NDST3: variants seen among roughly 807,000 people sequenced by gnomAD.
NDST3 encodes the protein bifunctional heparan sulfate N-deacetylase/N-sulfotransferase 3.
In NDST3, 58 loss-of-function variants were observed where a neutral mutation model predicts 96.1. That is an observed-to-expected ratio of 0.60 (90% CI 0.49 to 0.75). The LOEUF is 0.75. Among genes scored for constraint, NDST3 ranks in the 30% least tolerant of loss-of-function variants. NDST3 has a pLI of 0.00. For synonymous variants in NDST3, 333 were observed against 359.7 expected, an observed-to-expected ratio of 0.93 and a Z score of 0.84; for missense variants, 788 against 1,034.2, an observed-to-expected ratio of 0.76 and a Z score of 3.27.
intron 2 of NDST3, among the ~76,000 whole-genome samples, chr4:118,070,378 T>A (rs1726956949): frequency 6.6e-6 from 1 of 152,052 alleles, no homozygotes; most frequent in South Asian, 2.1e-4. Flanking sequence ...CCCCAGTGAA[T>A]GCATGTGTGA....
chr4:118,078,473 C>T (rs1333375388), intron 2 of NDST3, among the ~76,000 whole-genome samples: 3 of 152,202 alleles, frequency 2.0e-5, no homozygotes, highest in East Asian at 3.9e-4. Flanking sequence ...GATCAGTGGC[C>T]GGGCACGGTG....
At position 118,210,747 on chromosome 4, in the gene NDST3, G is replaced by A. The variant is rs1281180615; in HGVS notation, c.1540-13744G>A. ...GCCTAGATTGCACCACTGCACTCCAGCCTGGTGACAAAGTGAGACTCCATC... is the reference window on the plus strand; with the variant it reads ...GCCTAGATTGCACCACTGCACTCCAACCTGGTGACAAAGTGAGACTCCATC... On this transcript the variant is annotated intron_variant, in intron 6 of 13. Coordinates refer to ENST00000296499, the MANE Select transcript of NDST3 (RefSeq NM_004784.3). Among the ~76,000 whole-genome samples the A allele has an allele frequency of 2.8e-5, 4 of 142,142 alleles. No individual in the cohort carries two copies. The Admixed American group carries it at 3.0e-4, about 11-fold the overall frequency. The allele number at this position is 142,142 out of a possible 152,430, so 93.3% of individuals were successfully genotyped here.
At chr4:118,234,398 A>G (rs1407223899) in intron 9 of NDST3, among the ~76,000 whole-genome samples, 3 of 152,134 alleles carry the variant, frequency 2.0e-5, no homozygotes, top group Non-Finnish European at 2.9e-5. Flanking sequence ...TGAGTGACAG[A>G]GTGAGACCCT....
chr4:118,182,692 G>C (rs999420480), intron 6 of NDST3, among the ~76,000 whole-genome samples: 2 of 152,196 alleles, frequency 1.3e-5, no homozygotes, highest in Admixed American at 6.5e-5. Context: ...ATGGAACAGA[G>C]AGAATGTCTT....
intron 12 of NDST3, among the ~76,000 whole-genome samples, chr4:118,243,287 G>C (rs1446278368): frequency 6.6e-6 from 1 of 152,128 alleles, no homozygotes; most frequent in Non-Finnish European, 1.5e-5. Context: ...AGGAAAAAAA[G>C]ATTAGCAGGA....
At chr4:118,103,102 TAAATGTACATTAA>T (rs1216653910) in intron 2 of NDST3, among the ~76,000 whole-genome samples, 1 of 151,296 alleles carries the variant, frequency 6.6e-6, no homozygotes, top group Non-Finnish European at 1.5e-5. Context: ...TCAAGTTTTG[TAAATGTACATTAA>T]AAATGCAATC....
intron 2 of NDST3, among the ~76,000 whole-genome samples, chr4:118,068,703 A>G (rs1726802182): frequency 6.6e-6 from 1 of 152,124 alleles, no homozygotes; most frequent in African/African-American, 2.4e-5. Context: ...GTTTAAATAG[A>G]CTACATTTGA....
Position 118,256,942 on chromosome 4 carries a change from C to T in NDST3, c.*1230C>T, listed in dbSNP as rs1334244323. 3 of 152,052 alleles carry T rather than the reference C, an allele frequency of 2.0e-5. No individual in the cohort carries two copies. The highest frequency in any genetic ancestry group is 4.2e-4 in the South Asian group (2 of 4,816). 9.4% of individuals were successfully genotyped at this position (152,052 alleles called of 1,614,324 possible). On this transcript the variant is annotated 3_prime_UTR_variant, in exon 14 of 14. Transcript: ENST00000296499. ...GGCCCATTTTTGAAAATATTTCACC[C>T]ATCACTCTGGTGGAAGTAACAGATC...
intron 6 of NDST3, among the ~76,000 whole-genome samples, chr4:118,151,165 C>T (rs1734366529): frequency 1.3e-5 from 2 of 152,128 alleles, no homozygotes; most frequent in Admixed American, 1.3e-4. Context: ...CATATTCTCA[C>T]TCATAGGTGG....
chr4:118,045,141 T>C (rs1351661033), intron 1 of NDST3, among the ~76,000 whole-genome samples: 2 of 152,300 alleles, frequency 1.3e-5, no homozygotes, highest in Middle Eastern at 3.4e-3. Context: ...CTCCCACTCA[T>C]TATTCATCAT....
intron 6 of NDST3, among the ~76,000 whole-genome samples, chr4:118,221,098 G>A (rs1257191651): frequency 6.6e-6 from 1 of 151,900 alleles, no homozygotes; most frequent in Non-Finnish European, 1.5e-5. Flanking sequence ...TATAAAGACT[G>A]GTGATCAGAA....
chr4:118,224,897 T>C (rs1335950328), intron 7 of NDST3, among the ~76,000 whole-genome samples: 1 of 152,142 alleles, frequency 6.6e-6, no homozygotes, highest in Non-Finnish European at 1.5e-5. Context: ...ATTCGGAAAG[T>C]TCAGTGACAG....
intron 2 of NDST3, among the ~76,000 whole-genome samples, chr4:118,088,537 C>T (rs1372363131): frequency 6.6e-6 from 1 of 152,002 alleles, no homozygotes; most frequent in Non-Finnish European, 1.5e-5. Context: ...CCTGAAGAAA[C>T]AACACTTCAC....
chr4:118,133,424 A>G (rs971277001), intron 4 of NDST3, among the ~76,000 whole-genome samples: 2 of 152,126 alleles, frequency 1.3e-5, no homozygotes, highest in African/African-American at 4.8e-5. Flanking sequence ...TCCGCACTTC[A>G]TGGCCACTGC....
At chr4:118,247,457 C>A (rs933632768) in intron 12 of NDST3, among the ~76,000 whole-genome samples, 1 of 152,022 alleles carries the variant, frequency 6.6e-6, no homozygotes. Context: ...GAGGCTGAGG[C>A]AGGAGAATTG....
At chr4:118,220,287 T>C (rs1161231785) in intron 6 of NDST3, among the ~76,000 whole-genome samples, 2 of 151,972 alleles carry the variant, frequency 1.3e-5, no homozygotes, top group African/African-American at 2.4e-5. Flanking sequence ...TAAAAAGGAA[T>C]GAGATCATGT....
chr4:118,046,341 C>T (rs1724759660), intron 1 of NDST3, among the ~76,000 whole-genome samples: 1 of 152,310 alleles, frequency 6.6e-6, no homozygotes, highest in Admixed American at 6.5e-5. Context: ...GAACAGGAGC[C>T]TTTGTACATG....
chr4:118,102,908 T>A (rs1415933595), intron 2 of NDST3, among the ~76,000 whole-genome samples: 1 of 152,124 alleles, frequency 6.6e-6, no homozygotes, highest in Non-Finnish European at 1.5e-5. Flanking sequence ...CTTTTATGTG[T>A]TTAGTGTTTA....
chr4:118,248,813 C>A (rs949453352), intron 12 of NDST3, among the ~76,000 whole-genome samples: 1 of 152,302 alleles, frequency 6.6e-6, no homozygotes, highest in South Asian at 2.1e-4. Context: ...TTCATTTGGG[C>A]TCTGAAATAG....
Sources: allele counts gnomAD v4.1 joint callset (sites outside exome capture counted in the v4.1 genomes callset), GRCh38; gene constraint gnomAD v4.1.1; transcripts MANE v1.5; gene names NCBI Gene and HGNC (gene_info 2026-07-23, HGNC 2026-07-21).